Variants in XRN1 observed in about 807,000 individuals in gnomAD.
XRN1 encodes 5'-3' exoribonuclease 1.
A neutral mutation model predicts 222.3 loss-of-function variants in XRN1; 67 were observed. That is an observed-to-expected ratio of 0.30 (90% confidence interval 0.25 to 0.37). XRN1 has a LOEUF of 0.37. Among genes scored for constraint, XRN1 ranks in the 10% least tolerant of loss-of-function variants. The probability of loss-of-function intolerance (pLI) is 1.00; values close to 1 mark genes in which losing one functional copy is unlikely to be tolerated. For missense variants in XRN1, 1,707 were observed against 2,000.2 expected, an observed-to-expected ratio of 0.85 and a Z score of 2.80; for synonymous variants, 643 against 652.4, an observed-to-expected ratio of 0.99 and a Z score of 0.22.
rs138688782 is a variant in XRN1, at chr3:142,378,671, C to T, written c.2715+1411G>A. Among the ~76,000 whole-genome samples, 1,088 of 151,888 alleles carry T rather than the reference C, an allele frequency of 7.2e-3. 13 individuals carry two copies. The highest frequency in any genetic ancestry group is 0.012 in the Non-Finnish European group (804 of 67,958). On this transcript the variant is annotated intron_variant, in intron 23 of 40. Coordinates refer to ENST00000392981, the MANE Select transcript of XRN1 (RefSeq NM_001282857.2). Reference sequence around the variant, plus strand: ...GGTCTAAGATTGAACTAAAAGGATTCCCAGAAATAGAAAGCAGGAAAAAAA... The same window carrying T: ...GGTCTAAGATTGAACTAAAAGGATTTCCAGAAATAGAAAGCAGGAAAAAAA...
At chr3:142,351,794 G>A (rs759023615) in intron 32 of XRN1, among the ~76,000 whole-genome samples, 7 of 151,240 alleles carry the variant, frequency 4.6e-5, no homozygotes, top group Non-Finnish European at 1.0e-4. Context: ...TCCAGTATCT[G>A]CAACTTTCTA....
At position 142,393,087 on chromosome 3, in the gene XRN1, A is replaced by G. The variant is rs1384649658; in HGVS notation, c.2339+4242T>C. On this transcript the variant is annotated intron_variant, in intron 20 of 40. Coordinates refer to ENST00000392981, the MANE Select transcript of XRN1 (RefSeq NM_001282857.2). ...TCTCTGATGGCCAGTGATCATGAGC[A>G]TTTTTTCATGTGTTTTTTGGCTGCA... is the stretch of plus-strand genomic sequence containing the variant. 2.4e-4 allele frequency among the ~76,000 whole-genome samples: 37 copies of G among 151,324 alleles called. No individual in the cohort carries two copies. The East Asian group carries it at 6.4e-3, about 26-fold the overall frequency.
At chr3:142,427,776 T>A (rs2069322247) in intron 2 of XRN1, among the ~76,000 whole-genome samples, 1 of 152,252 alleles carries the variant, frequency 6.6e-6, no homozygotes, top group African/African-American at 2.4e-5. Flanking sequence ...CCTGCCTGAC[T>A]TCTACTGCCA....
At chr3:142,414,581 C>T (rs2068714302) in intron 13 of XRN1, among the ~76,000 whole-genome samples, 2 of 151,914 alleles carry the variant, frequency 1.3e-5, no homozygotes, top group Admixed American at 1.3e-4. Context: ...CTGCAAGCTC[C>T]ACCTCCCGGG....
intron 16 of XRN1, among the ~76,000 whole-genome samples, chr3:142,404,548 G>C (rs1342979924): frequency 6.6e-6 from 1 of 152,078 alleles, no homozygotes; most frequent in Non-Finnish European, 1.5e-5. Flanking sequence ...CAATATCACA[G>C]CGTATCAAAT....
intron 1 of XRN1, among the ~76,000 whole-genome samples, chr3:142,438,401 T>C (rs1374456392): frequency 6.6e-6 from 1 of 151,914 alleles, no homozygotes; most frequent in East Asian, 1.9e-4. Context: ...GGAAAACAGG[T>C]GCAGGACTGC....
rs74269485 is a variant in XRN1, at chr3:142,330,593, GTTT to G, written c.4223-981_4223-979del. Among the ~76,000 whole-genome samples the G allele has an allele frequency of 9.0e-3, 1,234 of 137,100 alleles. 17 individuals are homozygous for G. Among genetic ancestry groups the G allele is most frequent in the African/African-American group, 0.029 (1,126 of 38,418 alleles). The allele number at this position is 137,100 out of a possible 152,430, so 89.9% of individuals were successfully genotyped here. On this transcript the variant is annotated intron_variant, in intron 36 of 40. Coordinates refer to ENST00000392981, the MANE Select transcript of XRN1 (RefSeq NM_001282857.2). The stretch of plus-strand genomic sequence containing the variant: ...GACCCTAAGACTCTAAAGCCTATGA[GTTT>G]TTTTTTTTTTTTTTCCTATACTGAA...
chr3:142,432,270 A>ATTTTT (rs2108165725), intron 2 of XRN1, among the ~76,000 whole-genome samples: 1 of 129,380 alleles, frequency 7.7e-6, no homozygotes, highest in African/African-American at 3.7e-5. Context: ...TATATAAAAA[A>ATTTTT]TTAGCTGGGT....
intron 33 of XRN1, among the ~76,000 whole-genome samples, chr3:142,337,582 G>A (rs2065885332): frequency 6.6e-6 from 1 of 152,120 alleles, no homozygotes; most frequent in Non-Finnish European, 1.5e-5. Flanking sequence ...ATTACTACAG[G>A]ATGAAGATTC....
Position 142,306,873 on chromosome 3 carries a change from C to A in XRN1, c.*4638G>T, listed in dbSNP as rs1332084733. ...CAAAATGAGCACATAAAAGTCTTCC[C>A]TTTTGAATTTTTAATAAAATACTTC... On this transcript the variant is annotated 3_prime_UTR_variant, in exon 41 of 41. Coordinates refer to ENST00000392981, the MANE Select transcript of XRN1 (RefSeq NM_001282857.2). 1 of 152,524 alleles carries A rather than the reference C, an allele frequency of 6.6e-6. No homozygotes were observed. 9.4% of individuals were successfully genotyped at this position (152,524 alleles called of 1,614,324 possible). A position where few individuals can be genotyped will look rare whatever the true frequency, so the allele number is the denominator to read the frequency against.
intron 32 of XRN1, among the ~76,000 whole-genome samples, chr3:142,349,211 T>G (rs2066238080): frequency 6.6e-6 from 1 of 151,602 alleles, no homozygotes; most frequent in Non-Finnish European, 1.5e-5. Context: ...GCGTTGGCCT[T>G]CAAAAGTGCT....
rs1306276780 is a variant in XRN1 at position 142,393,152 on chromosome 3, G to A, written c.2339+4177C>T. Among the ~76,000 whole-genome samples, 145 of 145,604 alleles carry A rather than the reference G, an allele frequency of 1.0e-3. 1 individual carries two copies. The highest frequency in any genetic ancestry group is 7.3e-3 in the South Asian group (33 of 4,492). The stretch of plus-strand genomic sequence containing the variant: ...TGAGAAGTGTCTGTTCATGTCCTTC[G>A]CCCACTTTTTGATGGGGTTGTTTGT... On this transcript the variant is annotated intron_variant, in intron 20 of 40. Transcript: ENST00000392981.
At chr3:142,360,862 A>T (rs1401783530) in intron 29 of XRN1, among the ~76,000 whole-genome samples, 3 of 128,368 alleles carry the variant, frequency 2.3e-5, no homozygotes, top group African/African-American at 9.0e-5. Flanking sequence ...CGACAGAGCG[A>T]GACTCCGTCT....
At chr3:142,342,862 G>A (rs2066036293) in intron 33 of XRN1, among the ~76,000 whole-genome samples, 1 of 152,108 alleles carries the variant, frequency 6.6e-6, no homozygotes, top group African/African-American at 2.4e-5. Context: ...ACTGGACTGG[G>A]CAAAGATTTC....
intron 30 of XRN1, among the ~76,000 whole-genome samples, chr3:142,359,355 T>C (rs993895066): frequency 9.2e-5 from 14 of 152,172 alleles, no homozygotes; most frequent in African/African-American, 3.4e-4. Context: ...CGTGAGTACC[T>C]ACAACTCCAC....
At position 142,370,627 on chromosome 3, in the gene XRN1, CA is replaced by C; in HGVS notation, c.3069-8del. Reference sequence around the variant, plus strand: ...TTCTTGAACTTTTTCAGCACTAAAGCAAAAACAATAATTTTTAAAATTTGAT... The same window carrying C: ...TTCTTGAACTTTTTCAGCACTAAAGCAAAACAATAATTTTTAAAATTTGAT... On this transcript the variant is annotated splice_region_variant and splice_polypyrimidine_tract_variant and intron_variant, in intron 26 of 40. Coordinates refer to ENST00000392981, the MANE Select transcript of XRN1 (RefSeq NM_001282857.2). 6.4e-7 allele frequency: 1 copy of C among 1,556,992 alleles called. No individual in the cohort carries two copies. The highest frequency in any genetic ancestry group is 1.3e-5 in the South Asian group (1 of 79,946).
intron 33 of XRN1, among the ~76,000 whole-genome samples, chr3:142,343,490 A>G (rs1238860510): frequency 6.6e-6 from 1 of 152,044 alleles, no homozygotes; most frequent in Non-Finnish European, 1.5e-5. Context: ...GGTGCTCAAC[A>G]TCATTGATCA....
chr3:142,335,405 T>C (rs1275041714), intron 34 of XRN1, 43 bp downstream of exon 34: 1 of 1,579,692 alleles, frequency 6.3e-7, no homozygotes, highest in Non-Finnish European at 8.7e-7. Context: ...ACCAATTGCA[T>C]TAAAAAATTG....
At chr3:142,445,735 C>G (rs1480185902) in intron 1 of XRN1, among the ~76,000 whole-genome samples, 1 of 152,146 alleles carries the variant, frequency 6.6e-6, no homozygotes, top group Admixed American at 6.5e-5. Context: ...CCTTAGGGCT[C>G]TGGTCTAGAA....
Sources: allele counts gnomAD v4.1 joint callset (sites outside exome capture counted in the v4.1 genomes callset), GRCh38; gene constraint gnomAD v4.1.1; transcripts MANE v1.5; gene names NCBI Gene and HGNC (gene_info 2026-07-23, HGNC 2026-07-21).